ZNF287: variants seen among roughly 807,000 people sequenced by gnomAD.
ZNF287 encodes zinc finger protein with KRAB and SCAN domains 13.
ZNF287 carries 31 observed loss-of-function variants against 73.7 expected under a neutral mutation model. The ratio of observed to expected loss-of-function variants is 0.42; its 90% confidence interval spans 0.32 to 0.57. The LOEUF (loss-of-function observed/expected upper bound fraction) is 0.57, where lower values mean the gene tolerates loss of function less well. Ranked by LOEUF, ZNF287 falls within the 20% of genes least tolerant of loss-of-function variation. The pLI is 0.13. For missense variants in ZNF287, 641 were observed against 909.3 expected (o/e 0.70, Z 3.79); for synonymous variants, 301 against 307.2 (o/e 0.98, Z 0.21).
chr17:16,566,425 G>T, intron 3 of ZNF287, 100 bp downstream of exon 3: 1 of 941,664 alleles, frequency 1.1e-6, no homozygotes, highest in Non-Finnish European at 1.6e-6. Context: ...TTAAGTCCTT[G>T]ATAGAGCTTC....
Position 16,552,404 on chromosome 17 carries a change from T to C in ZNF287, c.1738A>G (p.Ile580Val). 1 of 1,614,044 alleles carries C rather than the reference T, an allele frequency of 6.2e-7. No individual in the cohort carries two copies. The highest frequency in any genetic ancestry group is 8.5e-7 in the Non-Finnish European group (1 of 1,179,958). The change falls in exon 6 of 6, where the codon ATT becomes GTT. Residue 580 changes from isoleucine (I) to valine (V), a missense_variant. Transcript: ENST00000395825. The surrounding 1 kb of genome is among the most constrained non-coding windows in gnomAD (Gnocchi z 6.5). ...CCAGTGTGAGTGGTTTGATGTTGAA[T>C]AAGGGTTGAGGAATGAGCAAAGGCT... Reference protein sequence around the residue: ...GKAFAHSSTLIQHQTTHTGEK... With the variant: ...GKAFAHSSTLVQHQTTHTGEK...
At chr17:16,559,537 G>A (rs904541901) in intron 5 of ZNF287, among the ~76,000 whole-genome samples, 1 of 150,120 alleles carries the variant, frequency 6.7e-6, no homozygotes, top group Non-Finnish European at 1.5e-5. Flanking sequence ...GATTTGAATT[G>A]GAGTTTAAGT....
At chr17:16,560,474 C>T (rs546487565) in intron 5 of ZNF287, among the ~76,000 whole-genome samples, 7 of 150,822 alleles carry the variant, frequency 4.6e-5, no homozygotes, top group African/African-American at 9.7e-5. Flanking sequence ...CTCAGCCTCC[C>T]GAGTAGCTGG....
chr17:16,554,228 ACTCTGTGCCAT>A (rs954807080), intron 5 of ZNF287, among the ~76,000 whole-genome samples: 5 of 145,596 alleles, frequency 3.4e-5, no homozygotes, highest in Non-Finnish European at 3.0e-5. Flanking sequence ...TTTGAGACAG[ACTCTGTGCCAT>A]CTTGGCTCAC....
rs1906596918 is a variant in ZNF287, at chr17:16,550,747, C to T, written c.*1109G>A. Among the ~76,000 whole-genome samples the T allele has an allele frequency of 2.6e-5, 4 of 152,054 alleles. No individual in the cohort carries two copies. ...CTGAGCATAGTAGACACTCAAGAAA[C>T]GTGTTTCAGTGGAAGAAATGAACTT... is the stretch of plus-strand genomic sequence containing the variant. On this transcript the variant is annotated 3_prime_UTR_variant, in exon 6 of 6. Coordinates refer to ENST00000395825, the MANE Select transcript of ZNF287 (RefSeq NM_020653.4).
Position 16,569,161 on chromosome 17 carries a change from A to AC in ZNF287, c.-409dup, listed in dbSNP as rs1455564677. 1.3e-5 allele frequency: 2 copies of AC among 152,378 alleles called. No homozygotes were observed. The highest frequency in any genetic ancestry group is 2.1e-4 in the South Asian group (1 of 4,816). 9.4% of individuals were successfully genotyped at this position (152,378 alleles called of 1,614,324 possible). The stretch of plus-strand genomic sequence containing the variant: ...CGGTCCTGAGAAGCCCGGCCCAGAA[A>AC]CCCCGGCGCCTCTGCTTAGCCGCGA... On this transcript the variant is annotated 5_prime_UTR_variant, in exon 1 of 6. Transcript: ENST00000395825.
At chr17:16,560,840 A>G (rs1297391358) in intron 5 of ZNF287, among the ~76,000 whole-genome samples, 1 of 150,438 alleles carries the variant, frequency 6.6e-6, no homozygotes, top group Non-Finnish European at 1.5e-5. Context: ...CGTCTCTACT[A>G]AAAATACAAA....
Position 16,547,159 on chromosome 17 carries a change from T to C in ZNF287, c.*4697A>G, listed in dbSNP as rs150537272. On this transcript the variant is annotated 3_prime_UTR_variant, in exon 6 of 6. Coordinates refer to ENST00000395825, the MANE Select transcript of ZNF287 (RefSeq NM_020653.4). ...CAAATAAAGGTTTAGTAAGAAAAAC[T>C]AGTACTTAGATTTGCATGAAACAGA... 1.3e-5 allele frequency among the ~76,000 whole-genome samples: 2 copies of C among 152,322 alleles called. No homozygotes were observed. The highest frequency in any genetic ancestry group is 4.8e-5 in the African/African-American group (2 of 41,562).
In ZNF287 at chr17:16,553,035, C is replaced by T. The variant is rs1472256322; in HGVS notation, c.1107G>A (p.Lys369=). ...TAAATTTTTTCCCACACACATTACA[C>T]TTGTAAGGCTTCTCTCCAGGAAGTA... The part of the protein sequence containing the change: ...RKILPGEKPY[K]CNVCGKKFRK... Residue 369 remains lysine, a synonymous_variant, in exon 6 of 6, where the codon AAG becomes AAA. Transcript: ENST00000395825. 2.5e-6 allele frequency: 4 copies of T among 1,614,152 alleles called. No homozygotes were observed. Among genetic ancestry groups the T allele is most frequent in the Non-Finnish European group, 3.4e-6 (4 of 1,180,012 alleles).
At chr17:16,559,055 GTA>G (rs1291401631) in intron 5 of ZNF287, 4 of 151,790 alleles carry the variant, frequency 2.6e-5, no homozygotes, top group Admixed American at 2.6e-4. Flanking sequence ...AATATACATA[GTA>G]TACTTCTTTC....
chr17:16,551,826 G>A lies in ZNF287; in HGVS notation c.*30C>T. 1 of 1,539,764 alleles carries A rather than the reference G, an allele frequency of 6.5e-7. No homozygotes were observed. On this transcript the variant is annotated 3_prime_UTR_variant, in exon 6 of 6. Coordinates refer to ENST00000395825, the MANE Select transcript of ZNF287 (RefSeq NM_020653.4). ...CACAAAACAAAATTGAAACAAAGTTGTAAAACCGAATTGAAGTTTCCCTTA... is the reference window on the plus strand; with the variant it reads ...CACAAAACAAAATTGAAACAAAGTTATAAAACCGAATTGAAGTTTCCCTTA...
chr17:16,559,571 T>A lies in ZNF287; in HGVS notation c.715+3575A>T, dbSNP rs926769560. ...GTATGAACTCCTGACTTAAAAGAAC[T>A]AACACACACACACACACACACACAC... On this transcript the variant is annotated intron_variant, in intron 5 of 5. Transcript: ENST00000395825. Among the ~76,000 whole-genome samples the A allele has an allele frequency of 2.2e-4, 12 of 53,570 alleles. No homozygotes were observed. The South Asian group carries it at 2.9e-3, about 13-fold the overall frequency. The allele number at this position is 53,570 out of a possible 152,430, so 35.1% of individuals were successfully genotyped here.
Position 16,547,312 on chromosome 17 carries a change from A to G in ZNF287, c.*4544T>C, listed in dbSNP as rs985358427. ...ATAGTTAAAACACAACGTATTAGGT[A>G]TACATCTAGTTGCTTTCTTAATTGC... On this transcript the variant is annotated 3_prime_UTR_variant, in exon 6 of 6. Transcript: ENST00000395825. Among the ~76,000 whole-genome samples, 7 of 152,220 alleles carry G rather than the reference A, an allele frequency of 4.6e-5. No individual in the cohort carries two copies. Among genetic ancestry groups the G allele is most frequent in the African/African-American group, 1.7e-4 (7 of 41,466 alleles).
At chr17:16,563,944 T>G in intron 3 of ZNF287, 119 bp from the exon 4 acceptor site, 63 of 1,170,018 alleles carry the variant, frequency 5.4e-5, no homozygotes, top group Non-Finnish European at 6.6e-5. Flanking sequence ...AGTAGGATCC[T>G]AGAAGTTGTC....
intron 5 of ZNF287, among the ~76,000 whole-genome samples, 156 bp from the exon 6 acceptor site, chr17:16,553,582 A>C (rs563768547): frequency 6.6e-6 from 1 of 152,342 alleles, no homozygotes; most frequent in South Asian, 2.1e-4. Flanking sequence ...GGAGACAAAG[A>C]GGGCAAAAAA....
At chr17:16,568,865 G>A (rs1299574498) in intron 1 of ZNF287, 87 bp downstream of exon 1, 1 of 152,350 alleles carries the variant, frequency 6.6e-6, no homozygotes, top group Admixed American at 6.5e-5. Context: ...CCTCCCGCAA[G>A]CCACGAGCAC....
rs570436515 is a variant in ZNF287, at chr17:16,547,612, G to T, written c.*4244C>A. Reference sequence around the variant, plus strand: ...GTCTTTATGAAAACCAACTTGAATGGTTGGAAAGAATTGCCAGTGACACTC... The same window carrying T: ...GTCTTTATGAAAACCAACTTGAATGTTTGGAAAGAATTGCCAGTGACACTC... On this transcript the variant is annotated 3_prime_UTR_variant, in exon 6 of 6. Coordinates refer to ENST00000395825, the MANE Select transcript of ZNF287 (RefSeq NM_020653.4). Among the ~76,000 whole-genome samples, 1 of 152,306 alleles carries T rather than the reference G, an allele frequency of 6.6e-6. No individual in the cohort carries two copies. The highest frequency in any genetic ancestry group is 1.9e-4 in the East Asian group (1 of 5,184).
At position 16,567,942 on chromosome 17, in the gene ZNF287, C is replaced by A. The variant is rs1181565088; in HGVS notation, c.-198-13G>T. 1.1e-5 allele frequency: 16 copies of A among 1,410,216 alleles called. No individual in the cohort carries two copies. Among genetic ancestry groups the A allele is most frequent in the Non-Finnish European group, 1.5e-5 (16 of 1,087,052 alleles). 87.4% of individuals were successfully genotyped at this position (1,410,216 alleles called of 1,614,324 possible). A position where few individuals can be genotyped will look rare whatever the true frequency, so the allele number is the denominator to read the frequency against. On this transcript the variant is annotated splice_polypyrimidine_tract_variant and intron_variant, in intron 1 of 5. Coordinates refer to ENST00000395825, the MANE Select transcript of ZNF287 (RefSeq NM_020653.4). ...TGGATAAGAGACCCTGAAACACAAG[C>A]ATGGACCACAAGGTCAAGAATCCCT...
chr17:16,567,196 TC>T (rs1907798625), intron 2 of ZNF287, 132 bp downstream of exon 2: 3 of 1,205,450 alleles, frequency 2.5e-6, no homozygotes, highest in Admixed American at 5.0e-5. Flanking sequence ...CTCCCCAGTT[TC>T]TTTCTTTTTA....
Sources: gnomAD v4.1 joint callset for allele counts (sites outside exome capture counted in the v4.1 genomes callset) on GRCh38, gnomAD v4.1.1 for gene constraint, Gnocchi (gnomAD v3.1) non-coding constraint, MANE v1.5 for transcripts, NCBI Gene and HGNC (gene_info 2026-07-23, HGNC 2026-07-21) for gene names.